PCYT1B: variants seen among roughly 807,000 people sequenced by gnomAD.
PCYT1B encodes the protein choline-phosphate cytidylyltransferase B.
In PCYT1B, 10 loss-of-function variants were observed where a neutral mutation model predicts 26.4. That is an observed-to-expected ratio of 0.38 (90% CI 0.23 to 0.64). The LOEUF is 0.64. Among genes scored for constraint, PCYT1B ranks in the 30% least tolerant of loss-of-function variants. The probability of loss-of-function intolerance (pLI) is 0.56; values close to 1 mark genes in which losing one functional copy is unlikely to be tolerated. For synonymous variants in PCYT1B, 131 were observed against 108.4 expected, an observed-to-expected ratio of 1.21 and a Z score of -1.29; for missense variants, 161 against 292.7, an observed-to-expected ratio of 0.55 and a Z score of 3.28.
intron 7 of PCYT1B, among the ~76,000 whole-genome samples, chrX:24,571,604 T>G (rs750362248): frequency 4.4e-4 from 48 of 110,240 alleles, no homozygotes; most frequent in Non-Finnish European, 7.6e-5. Context: ...ATGAGGTCAC[T>G]TGGGGAGACT....
At chrX:24,579,227 T>C (rs2148227261) in intron 6 of PCYT1B, 89 bp downstream of exon 6, 2 of 811,262 alleles carry the variant, frequency 2.5e-6, no homozygotes, top group East Asian at 3.4e-5. Flanking sequence ...GAACACTGCA[T>C]AGCACTTAGT....
intron 1 of PCYT1B, among the ~76,000 whole-genome samples, chrX:24,637,358 G>A (rs1460341469): frequency 9.6e-6 from 1 of 104,059 alleles, no homozygotes; most frequent in Non-Finnish European, 1.9e-5. Context: ...TTTGATCTTT[G>A]GGGCCGGGCA....
At chrX:24,651,724 A>G (rs1029182777), upstream of PCYT1B, among the ~76,000 whole-genome samples, 1 of 105,952 alleles carries the variant, frequency 9.4e-6, no homozygotes. Context: ...CATGTTGCCC[A>G]GGCTGGTCTT....
At chrX:24,670,105 A>G (rs139406891) in intron 1 of PCYT1B, among the ~76,000 whole-genome samples, 1,606 of 23,335 alleles carry the variant, frequency 0.069, 13 homozygotes, top group Non-Finnish European at 0.081. Context: ...AGAAAGAAAG[A>G]AAGAAAGAAA....
chrX:24,562,409 G>A lies in PCYT1B; in HGVS notation c.994C>T (p.Arg332Cys), dbSNP rs745805932. The A allele has an allele frequency of 1.3e-5, 16 of 1,189,604 alleles. No homozygotes were observed. In the African/African-American group the frequency reaches 1.9e-4, roughly 14 times the overall value. ...SSPTRSRSPS[R>C]SPSPTFSWLP... ...CATGAGAAGGTGGGCGATGGGGAGCGGGAAGGGGACCGGCTCCGGGTTGGG... is the reference window on the plus strand; with the variant it reads ...CATGAGAAGGTGGGCGATGGGGAGCAGGAAGGGGACCGGCTCCGGGTTGGG... Residue 332 changes from arginine (R) to cysteine (C), a missense_variant, in exon 8 of 8, where the codon CGC (arginine) becomes TGC (cysteine). By Grantham distance (180) the Arg-to-Cys change is radical (BLOSUM62 -3). Around this residue, in one of 4 missense-constraint regions of PCYT1B, gnomAD observed 38 missense variants for 55.9 expected, o/e 0.68. Transcript: ENST00000379144.
At chrX:24,586,115 T>C (rs1308998685) in intron 5 of PCYT1B, among the ~76,000 whole-genome samples, 2 of 112,419 alleles carry the variant, frequency 1.8e-5, no homozygotes, top group Non-Finnish European at 1.9e-5. Context: ...AGGCTGGTTA[T>C]ATTTTGGGTA....
At chrX:24,656,487 T>C (rs1926917336) in intron 1 of PCYT1B, among the ~76,000 whole-genome samples, 1 of 107,900 alleles carries the variant, frequency 9.3e-6, no homozygotes, top group Non-Finnish European at 1.9e-5. Flanking sequence ...AAGAAATATA[T>C]ATTTGCAATT....
rs1313899862 is a variant in PCYT1B at position 24,619,078 on chromosome X, T to A, written c.124A>T (p.Thr42Ser). ...TCATCAGCAAATGGGGCAGGTGCAG[T>A]CAGGGTCTAGAAGGGAGAAAAAGAA... ...HTCPQPRLTL[T>S]APAPFADETN... Residue 42 changes from threonine to serine, a missense_variant, in exon 2 of 8, where the codon ACT (threonine) becomes TCT (serine). This residue lies in a region of PCYT1B where 51 missense variants were observed against 51.0 expected (regional missense o/e 1.00). Transcript: ENST00000379144. 6 of 1,189,410 alleles carry A rather than the reference T, an allele frequency of 5.0e-6. No homozygotes were observed. Among genetic ancestry groups the A allele is most frequent in the Non-Finnish European group, 6.8e-6 (6 of 877,526 alleles).
At chrX:24,568,586 A>C (rs1348721699) in intron 7 of PCYT1B, among the ~76,000 whole-genome samples, 3 of 110,744 alleles carry the variant, frequency 2.7e-5, no homozygotes, top group Non-Finnish European at 5.7e-5. Flanking sequence ...AGTATGAACC[A>C]ATGTAATCCT....
intron 1 of PCYT1B, among the ~76,000 whole-genome samples, chrX:24,660,119 A>C (rs1926998471): frequency 9.0e-6 from 1 of 111,533 alleles, no homozygotes; most frequent in African/African-American, 3.3e-5. Flanking sequence ...AGGGCTTTTA[A>C]AAGTTTAGAA....
In PCYT1B at chrX:24,619,242, T is replaced by C; in HGVS notation, c.118-158A>G. The C allele has an allele frequency of 1.1e-5, 5 of 446,281 alleles. No homozygotes were observed. In the South Asian group the frequency reaches 1.8e-4, roughly 16 times the overall value. The allele number at this position is 446,281 out of a possible 1,213,427, so 36.8% of individuals were successfully genotyped here. On this transcript the variant is annotated intron_variant, in intron 1 of 7. Coordinates refer to ENST00000379144, the MANE Select transcript of PCYT1B (RefSeq NM_004845.5). Reference sequence around the variant, plus strand: ...AATACTGTACTGTTAGACATAAAAATAGGGCATCATCACTGAAACCTTTTG... The same window carrying C: ...AATACTGTACTGTTAGACATAAAAACAGGGCATCATCACTGAAACCTTTTG...
At position 24,613,941 on chromosome X, in the gene PCYT1B, A is replaced by G. The variant is rs1396677948; in HGVS notation, c.217+5044T>C. Among the ~76,000 whole-genome samples the G allele has an allele frequency of 8.0e-5, 8 of 99,785 alleles. No individual in the cohort carries two copies. In the South Asian group the frequency reaches 2.0e-3, roughly 25 times the overall value. 86.7% of individuals were successfully genotyped at this position (99,785 alleles called of 115,157 possible). On this transcript the variant is annotated intron_variant, in intron 2 of 7. Coordinates refer to ENST00000379144, the MANE Select transcript of PCYT1B (RefSeq NM_004845.5). ...GCACTCCAGCCTGGGTGACAGAGCA[A>G]CAACCTGTCAAAAAAAAAAAAAAAA...
intron 1 of PCYT1B, among the ~76,000 whole-genome samples, chrX:24,625,389 A>G (rs1925850646): frequency 1.8e-5 from 2 of 111,289 alleles, no homozygotes; most frequent in Non-Finnish European, 3.8e-5. Flanking sequence ...GAGGACAGAA[A>G]AAAATAGATA....
upstream of PCYT1B, among the ~76,000 whole-genome samples, chrX:24,648,478 G>C (rs2704815): frequency 6.1e-5 from 1 of 16,368 alleles, no homozygotes; most frequent in Non-Finnish European, 1.2e-4. Context: ...TTTTTTTTGC[G>C]AAGGGCGAGG....
At chrX:24,653,824 G>T (rs988219297) in intron 1 of PCYT1B, among the ~76,000 whole-genome samples, 1 of 107,413 alleles carries the variant, frequency 9.3e-6, no homozygotes, top group South Asian at 4.1e-4. Flanking sequence ...TGATCATCTT[G>T]GCTCACTGCA....
intron 1 of PCYT1B, among the ~76,000 whole-genome samples, chrX:24,654,768 A>AAG (rs1215603329): frequency 1.9e-5 from 2 of 106,841 alleles, no homozygotes; most frequent in African/African-American, 3.4e-5. Flanking sequence ...AAAAAAAAAA[A>AAG]AAAAGAAATG....
chrX:24,608,767 A>C (rs930135345), intron 2 of PCYT1B, among the ~76,000 whole-genome samples: 31 of 111,983 alleles, frequency 2.8e-4, no homozygotes, highest in Middle Eastern at 4.6e-3. Context: ...CATCCCCTTC[A>C]AGTCAGAGAG....
At chrX:24,651,484 T>A (rs201800721), upstream of PCYT1B, among the ~76,000 whole-genome samples, 318 of 22,402 alleles carry the variant, frequency 0.014, 1 homozygote, top group Non-Finnish European at 0.023. Flanking sequence ...TATATATATA[T>A]ATATATATAT....
chrX:24,596,118 C>A (rs979343847), intron 3 of PCYT1B, among the ~76,000 whole-genome samples: 4 of 111,733 alleles, frequency 3.6e-5, no homozygotes, highest in African/African-American at 9.8e-5. Flanking sequence ...GAAAAAAACA[C>A]ACTAGTATAA....
Sources: gnomAD v4.1 joint callset for allele counts (sites outside exome capture counted in the v4.1 genomes callset) on GRCh38, gnomAD v4.1.1 for gene constraint, gnomAD v4.1.1 regional missense constraint, MANE v1.5 for transcripts, NCBI Gene and HGNC (gene_info 2026-07-23, HGNC 2026-07-21) for gene names.